Variants in BTBD9 observed in about 807,000 individuals in gnomAD.
The protein encoded by BTBD9 is BTB domain containing 9.
BTBD9 carries 49 observed loss-of-function variants against 64.3 expected under a neutral mutation model. That is an observed-to-expected ratio of 0.76 (90% CI 0.61 to 0.97). The LOEUF is 0.97. BTBD9 is among the 50% of genes least tolerant of loss of function. BTBD9 has a pLI of 0.00. For synonymous variants in BTBD9, 260 were observed against 274.7 expected, an observed-to-expected ratio of 0.95 and a Z score of 0.53; for missense variants, 598 against 762.1, an observed-to-expected ratio of 0.78 and a Z score of 2.53.
chr6:38,551,777 T>C (rs1458697932), intron 6 of BTBD9, among the ~76,000 whole-genome samples: 5 of 152,108 alleles, frequency 3.3e-5, no homozygotes, highest in African/African-American at 9.7e-5. Context: ...AAACAATAGG[T>C]TTAGTCTGCA....
chr6:38,612,606 G>A lies in BTBD9; in HGVS notation c.-27-14485C>T, dbSNP rs569805850. On this transcript the variant is annotated intron_variant, in intron 1 of 10. Transcript: ENST00000481247. ...TCCACAAATGCCTATTTATTCCCAA[G>A]ATGACTTAAGGAATGGGGTATTATG... Among the ~76,000 whole-genome samples, 5 of 152,256 alleles carry A rather than the reference G, an allele frequency of 3.3e-5. No individual in the cohort carries two copies. In the East Asian group the frequency reaches 5.8e-4, roughly 18 times the overall value.
chr6:38,537,952 T>C (rs1434711180), intron 6 of BTBD9, among the ~76,000 whole-genome samples: 1 of 152,172 alleles, frequency 6.6e-6, no homozygotes, highest in Non-Finnish European at 1.5e-5. Flanking sequence ...CAGAGCCCCC[T>C]TGCCAGCCTG....
At chr6:38,353,127 T>C (rs988723779) in intron 6 of BTBD9, among the ~76,000 whole-genome samples, 4 of 152,166 alleles carry the variant, frequency 2.6e-5, no homozygotes, top group African/African-American at 9.7e-5. Context: ...ACTAGCTCTG[T>C]CTAAGAACAC....
chr6:38,583,358 G>C (rs773929567), intron 4 of BTBD9, among the ~76,000 whole-genome samples: 22 of 152,116 alleles, frequency 1.4e-4, no homozygotes, highest in Non-Finnish European at 2.4e-4. Flanking sequence ...AATTAGCCAG[G>C]TGTGGTGGCA....
chr6:38,383,126 T>C (rs1766009417), intron 6 of BTBD9, among the ~76,000 whole-genome samples: 1 of 152,012 alleles, frequency 6.6e-6, no homozygotes, highest in Non-Finnish European at 1.5e-5. Context: ...CCTAGAAAAA[T>C]TTCAGCCAAA....
chr6:38,430,350 G>A (rs990165682), intron 6 of BTBD9, among the ~76,000 whole-genome samples: 1 of 150,978 alleles, frequency 6.6e-6, no homozygotes, highest in Admixed American at 6.6e-5. Flanking sequence ...CTCCCAACTA[G>A]CTGGGATCAC....
At chr6:38,517,309 G>A (rs1420188854) in intron 6 of BTBD9, among the ~76,000 whole-genome samples, 4 of 152,236 alleles carry the variant, frequency 2.6e-5, no homozygotes, top group Non-Finnish European at 4.4e-5. Flanking sequence ...GTATGTTTCT[G>A]AGTAATCAAA....
chr6:38,632,897 A>G (rs1224201120), intron 1 of BTBD9, among the ~76,000 whole-genome samples: 2 of 151,988 alleles, frequency 1.3e-5, no homozygotes, highest in African/African-American at 4.8e-5. Context: ...ACACCACTAT[A>G]CTCTAGTCTG....
chr6:38,618,040 A>G (rs1777849805), intron 1 of BTBD9, among the ~76,000 whole-genome samples: 1 of 152,194 alleles, frequency 6.6e-6, no homozygotes, highest in African/African-American at 2.4e-5. Context: ...CTGCTGCTTC[A>G]GTGAGCGCAA....
chr6:38,258,612 C>T (rs571820931), intron 8 of BTBD9, among the ~76,000 whole-genome samples: 4 of 152,224 alleles, frequency 2.6e-5, no homozygotes, highest in Admixed American at 6.5e-5. Context: ...CAATAATGGC[C>T]GGGCGCAGTG....
intron 6 of BTBD9, among the ~76,000 whole-genome samples, chr6:38,392,196 G>C (rs772479365): frequency 9.2e-5 from 14 of 151,964 alleles, no homozygotes; most frequent in Non-Finnish European, 1.8e-4. Context: ...AGGAAGCAAG[G>C]AGGGTTAAAA....
At chr6:38,222,527 A>G (rs9369040) in intron 9 of BTBD9, among the ~76,000 whole-genome samples, 13,576 of 152,010 alleles carry the variant, frequency 0.089, 1,096 homozygotes, top group East Asian at 0.46. Context: ...CCAAAGTGCT[A>G]GGATTACAGG....
rs540394028 is a variant in BTBD9, at chr6:38,201,150, C to G, written c.1563-8553G>C. On this transcript the variant is annotated intron_variant, in intron 9 of 10. Coordinates refer to ENST00000481247, the MANE Select transcript of BTBD9 (RefSeq NM_001099272.2). ...ACAAGAACAAAACAACAAAAGAAAA[C>G]TACAGGCCAATATCCTCAATGAACA... 7.2e-5 allele frequency among the ~76,000 whole-genome samples: 11 copies of G among 152,212 alleles called. No individual in the cohort carries two copies. The South Asian group carries it at 2.1e-3, about 29-fold the overall frequency.
At chr6:38,279,181 C>G (rs934591991) in intron 8 of BTBD9, among the ~76,000 whole-genome samples, 1 of 152,014 alleles carries the variant, frequency 6.6e-6, no homozygotes, top group Non-Finnish European at 1.5e-5. Context: ...AAGAGTTTTT[C>G]TTGGTCTCAG....
At chr6:38,553,109 TG>T (rs1249096398) in intron 6 of BTBD9, among the ~76,000 whole-genome samples, 1 of 152,250 alleles carries the variant, frequency 6.6e-6, no homozygotes, top group Non-Finnish European at 1.5e-5. Context: ...TGCACTGTAT[TG>T]TTTTTCATAT....
chr6:38,385,982 G>A (rs1459384764), intron 6 of BTBD9, among the ~76,000 whole-genome samples: 3 of 151,556 alleles, frequency 2.0e-5, no homozygotes, highest in Non-Finnish European at 4.4e-5. Context: ...GTACAGATGG[G>A]GTTTCGCTAT....
At chr6:38,308,497 T>A (rs1033242516) in intron 7 of BTBD9, among the ~76,000 whole-genome samples, 2 of 152,242 alleles carry the variant, frequency 1.3e-5, no homozygotes, top group African/African-American at 4.8e-5. Context: ...AAAGGGCATC[T>A]TTTTCTGTGA....
At chr6:38,513,343 G>C (rs1383020210) in intron 6 of BTBD9, among the ~76,000 whole-genome samples, 1 of 152,026 alleles carries the variant, frequency 6.6e-6, no homozygotes, top group Non-Finnish European at 1.5e-5. Context: ...AGCTACTTGG[G>C]AGGCTGAAGC....
intron 8 of BTBD9, among the ~76,000 whole-genome samples, chr6:38,259,825 C>T (rs556742392): frequency 6.6e-6 from 1 of 152,144 alleles, no homozygotes; most frequent in South Asian, 2.1e-4. Flanking sequence ...GTAGATGATA[C>T]CTACTGATTC....
Sources: gnomAD v4.1 joint callset for allele counts (sites outside exome capture counted in the v4.1 genomes callset) on GRCh38, gnomAD v4.1.1 for gene constraint, MANE v1.5 for transcripts, NCBI Gene and HGNC (gene_info 2026-07-23, HGNC 2026-07-21) for gene names.